Variants in CCNY observed in about 807,000 individuals in gnomAD.
CCNY encodes cyclin-Y.
Under a neutral mutation model 42.8 loss-of-function variants are expected in CCNY, and 19 were observed. The ratio of observed to expected loss-of-function variants is 0.44; its 90% confidence interval spans 0.31 to 0.65. The LOEUF (loss-of-function observed/expected upper bound fraction) is 0.65, where lower values mean the gene tolerates loss of function less well. Ranked by LOEUF, CCNY falls within the 30% of genes least tolerant of loss-of-function variation. CCNY has a pLI of 0.07. For synonymous variants in CCNY, 165 were observed against 162.7 expected (o/e 1.01, Z -0.11); for missense variants, 370 against 437.3 (o/e 0.85, Z 1.37).
chr10:35,548,107 C>G (rs1204218311), intron 7 of CCNY, among the ~76,000 whole-genome samples: 1 of 151,918 alleles, frequency 6.6e-6, no homozygotes, highest in Non-Finnish European at 1.5e-5. Context: ...TTTGACCCCC[C>G]AAAACTTAAT....
At chr10:35,434,470 A>G (rs1465007246) in intron 1 of CCNY, among the ~76,000 whole-genome samples, 1 of 152,208 alleles carries the variant, frequency 6.6e-6, no homozygotes, top group African/African-American at 2.4e-5. Flanking sequence ...AATACTACAC[A>G]TATATGATTT....
At chr10:35,258,001 T>C (rs2095716854) in intron 3 of CCNY, among the ~76,000 whole-genome samples, 1 of 152,204 alleles carries the variant, frequency 6.6e-6, no homozygotes, top group Admixed American at 6.6e-5. Context: ...CTCCTCCTTC[T>C]GCCTGCTCAA....
At chr10:35,433,796 A>T (rs1455353121) in intron 1 of CCNY, among the ~76,000 whole-genome samples, 1 of 152,148 alleles carries the variant, frequency 6.6e-6, no homozygotes, top group African/African-American at 2.4e-5. Context: ...TTTAGTAGAG[A>T]TAGAGTTTCA....
intron 7 of CCNY, among the ~76,000 whole-genome samples, chr10:35,533,160 C>T (rs767688800): frequency 2.0e-5 from 3 of 152,094 alleles, no homozygotes; most frequent in South Asian, 2.1e-4. Context: ...CGTTTAAGGC[C>T]GCACACCCTC....
intron 1 of CCNY, among the ~76,000 whole-genome samples, chr10:35,478,335 A>G (rs1175461219): frequency 6.6e-6 from 1 of 152,012 alleles, no homozygotes; most frequent in South Asian, 2.1e-4. Context: ...CACCAAGTCA[A>G]TCCTAAGCCA....
At chr10:35,344,560 T>A (rs1836257387) in intron 1 of CCNY, among the ~76,000 whole-genome samples, 3 of 152,130 alleles carry the variant, frequency 2.0e-5, no homozygotes, top group Non-Finnish European at 2.9e-5. Flanking sequence ...TTTCAGTTGG[T>A]ATACTTTATT....
chr10:35,465,905 AAGAGAGAGAGAG>A (rs56166429), intron 1 of CCNY, among the ~76,000 whole-genome samples: 12 of 99,220 alleles, frequency 1.2e-4, no homozygotes, highest in Non-Finnish European at 1.8e-4. Context: ...GGGTAGGGGG[AAGAGAGAGAGAG>A]AGAGAGAGAG....
At chr10:35,382,634 C>T (rs1488641421) in intron 1 of CCNY, among the ~76,000 whole-genome samples, 1 of 152,150 alleles carries the variant, frequency 6.6e-6, no homozygotes, top group Non-Finnish European at 1.5e-5. Flanking sequence ...AGGACAGCCC[C>T]TCTACCCCTC....
rs529296826 is a variant in CCNY, at chr10:35,442,598, T to G, written c.155-40806T>G. ...ACTTTTTAGTTAAGGGAAAACTGTT[T>G]GAAATACTGAGATATGAAACAGCAT... is the stretch of plus-strand genomic sequence containing the variant. On this transcript the variant is annotated intron_variant, in intron 1 of 9. Coordinates refer to ENST00000374704, the MANE Select transcript of CCNY (RefSeq NM_145012.6). Among the ~76,000 whole-genome samples the G allele has an allele frequency of 3.9e-5, 6 of 152,286 alleles. No individual in the cohort carries two copies. In the East Asian group the frequency reaches 9.6e-4, roughly 24 times the overall value.
intron 3 of CCNY, among the ~76,000 whole-genome samples, chr10:35,318,592 C>T (rs766502241): frequency 6.6e-6 from 1 of 152,018 alleles, no homozygotes; most frequent in Non-Finnish European, 1.5e-5. Context: ...TGACAGAAGC[C>T]GGATCACAAG....
rs567200764 is a variant in CCNY at position 35,279,695 on chromosome 10, C to T, written c.-9+29069C>T. ...GGAATGCAGATATGTGAGAGCAAGG[C>T]CTGCCCATGGGACCTGAGTCCTTGA... On this transcript the variant is annotated intron_variant, in intron 3 of 11. Transcript: ENST00000374706. Among the ~76,000 whole-genome samples, 63 of 152,338 alleles carry T rather than the reference C, an allele frequency of 4.1e-4. 1 individual carries two copies. Among genetic ancestry groups the T allele is most frequent in the South Asian group, 8.3e-4 (4 of 4,824 alleles).
intron 8 of CCNY, among the ~76,000 whole-genome samples, chr10:35,559,142 T>C (rs531829721): frequency 3.3e-5 from 5 of 152,368 alleles, no homozygotes; most frequent in African/African-American, 1.2e-4. Flanking sequence ...CATGTCATCA[T>C]GAACAGAATG....
intron 1 of CCNY, among the ~76,000 whole-genome samples, chr10:35,399,901 C>A (rs1837607957): frequency 6.6e-6 from 1 of 152,124 alleles, no homozygotes; most frequent in African/African-American, 2.4e-5. Context: ...ACAGGATTGA[C>A]CTCCAAACTG....
At position 35,507,682 on chromosome 10, in the gene CCNY, G is replaced by C. The variant is rs565701409; in HGVS notation, c.264+6147G>C. 3.2e-4 allele frequency among the ~76,000 whole-genome samples: 48 copies of C among 152,280 alleles called. No individual in the cohort carries two copies. The South Asian group carries it at 9.9e-3, about 32-fold the overall frequency. On this transcript the variant is annotated intron_variant, in intron 3 of 9. Coordinates refer to ENST00000374704, the MANE Select transcript of CCNY (RefSeq NM_145012.6). ...TGTGGTATGGGTTTCACTCCAGCCT[G>C]ACACATGGCATTTAGTTGGCATGCA...
At chr10:35,461,495 C>T (rs1051562669) in intron 1 of CCNY, among the ~76,000 whole-genome samples, 6 of 152,114 alleles carry the variant, frequency 3.9e-5, no homozygotes, top group Non-Finnish European at 8.8e-5. Flanking sequence ...GATTAGATGT[C>T]GAGGGTCAGG....
intron 1 of CCNY, among the ~76,000 whole-genome samples, chr10:35,439,550 AGTGT>A (rs140918740): frequency 1.4e-5 from 2 of 142,776 alleles, no homozygotes; most frequent in African/African-American, 5.1e-5. Flanking sequence ...TTTTGTTTCA[AGTGT>A]GTGTGTGTGT....
chr10:35,494,786 C>T (rs111530628), intron 2 of CCNY, among the ~76,000 whole-genome samples: 1,584 of 152,314 alleles, frequency 0.01, 24 homozygotes, highest in African/African-American at 0.036. Context: ...CTTGCACATA[C>T]TTATATACAA....
At chr10:35,477,564 A>G (rs1334092229) in intron 1 of CCNY, among the ~76,000 whole-genome samples, 1 of 152,114 alleles carries the variant, frequency 6.6e-6, no homozygotes, top group African/African-American at 2.4e-5. Context: ...AGATGCAAAG[A>G]AGGCCTTTGA....
At chr10:35,354,225 G>A (rs544565554) in intron 1 of CCNY, among the ~76,000 whole-genome samples, 7 of 143,182 alleles carry the variant, frequency 4.9e-5, no homozygotes, top group Middle Eastern at 3.9e-3. Context: ...TCACTCTGTC[G>A]CTCAGGCTGG....
Sources: gnomAD v4.1 joint callset for allele counts (sites outside exome capture counted in the v4.1 genomes callset) on GRCh38, gnomAD v4.1.1 for gene constraint, MANE v1.5 for transcripts, NCBI Gene and HGNC (gene_info 2026-07-23, HGNC 2026-07-21) for gene names.